ANAPC16: variants seen among roughly 807,000 people sequenced by gnomAD.
The protein encoded by ANAPC16 is anaphase-promoting complex subunit 16.
Under a neutral mutation model 13.1 loss-of-function variants are expected in ANAPC16, and 6 were observed. The observed-to-expected ratio is 0.46, with a 90% CI of 0.25 to 0.90. The LOEUF is 0.90. ANAPC16 is among the 40% of genes least tolerant of loss of function. ANAPC16 has a pLI of 0.18. For missense variants in ANAPC16, 113 were observed against 131.1 expected, an observed-to-expected ratio of 0.86 and a Z score of 0.67; for synonymous variants, 55 against 51.3, an observed-to-expected ratio of 1.07 and a Z score of -0.31.
At chr10:72,232,090 G>A (rs935116153) in intron 3 of ANAPC16, among the ~76,000 whole-genome samples, 15 of 149,960 alleles carry the variant, frequency 1.0e-4, no homozygotes, top group Admixed American at 9.3e-4. Context: ...GGAGGCTGAG[G>A]CAGCAGAATC....
intron 1 of ANAPC16, chr10:72,220,022 C>T (rs1418352191): frequency 6.6e-6 from 1 of 152,122 alleles, no homozygotes; most frequent in Non-Finnish European, 1.5e-5. Flanking sequence ...TTCATTTCCT[C>T]ACTTTTTTCT....
intron 2 of ANAPC16, among the ~76,000 whole-genome samples, chr10:72,228,026 GT>G (rs11340422): frequency 0.084 from 12,510 of 149,804 alleles, 1,396 homozygotes; most frequent in African/African-American, 0.25. Context: ...GCGAGACTTG[GT>G]TTAAAAAAAA....
chr10:72,225,053 G>A (rs1484399619), intron 2 of ANAPC16, among the ~76,000 whole-genome samples: 11 of 152,122 alleles, frequency 7.2e-5, no homozygotes, highest in Non-Finnish European at 4.4e-5. Flanking sequence ...GGAGGCCAAG[G>A]CGGGTGGATC....
intron 1 of ANAPC16, among the ~76,000 whole-genome samples, chr10:72,221,399 T>G (rs1859926003): frequency 6.6e-6 from 1 of 152,076 alleles, no homozygotes; most frequent in African/African-American, 2.4e-5. Flanking sequence ...TAAATAAAAT[T>G]TAAAATACAG....
chr10:72,216,761 CTG>C (rs929035529), intron 1 of ANAPC16: 9 of 454,538 alleles, frequency 2.0e-5, no homozygotes, highest in South Asian at 7.8e-5. Context: ...ACACAGCAAT[CTG>C]TGTCCACAAA....
chr10:72,229,804 T>C (rs1209141937), intron 2 of ANAPC16, among the ~76,000 whole-genome samples: 1 of 152,170 alleles, frequency 6.6e-6, no homozygotes, highest in Non-Finnish European at 1.5e-5. Flanking sequence ...GTCATCCAAA[T>C]TGCAGTGTTT....
At chr10:72,219,924 CA>C (rs1254923995) in intron 1 of ANAPC16, 1 of 152,158 alleles carries the variant, frequency 6.6e-6, no homozygotes, top group Admixed American at 6.5e-5. Context: ...CAAAATTAAG[CA>C]AACAGAACAG....
rs567091431 is a variant in ANAPC16 at position 72,216,044 on chromosome 10, G to A, written c.-122G>A. On this transcript the variant is annotated 5_prime_UTR_variant, in exon 1 of 4. Transcript: ENST00000299381. The stretch of plus-strand genomic sequence containing the variant: ...CTTCGCCGCTGGCTCCGTCTGTTGG[G>A]GGGCGAACACGCCGCGGTCCTCGTC... The A allele has an allele frequency of 3.9e-5, 6 of 152,494 alleles. No individual in the cohort carries two copies. In the East Asian group the frequency reaches 9.7e-4, roughly 25 times the overall value. 9.4% of individuals were successfully genotyped at this position (152,494 alleles called of 1,614,324 possible). A position where few individuals can be genotyped will look rare whatever the true frequency, so the allele number is the denominator to read the frequency against.
intron 1 of ANAPC16, chr10:72,220,668 A>G (rs1859888687): frequency 6.9e-6 from 1 of 145,924 alleles, no homozygotes; most frequent in Non-Finnish European, 1.5e-5. Context: ...AAAAACAAAT[A>G]TGTTTCAACT....
intron 3 of ANAPC16, among the ~76,000 whole-genome samples, chr10:72,232,214 T>C (rs1427098526): frequency 7.9e-6 from 1 of 126,540 alleles, no homozygotes; most frequent in African/African-American, 3.3e-5. Flanking sequence ...AAAAAAAAAA[T>C]TAAGCTTCTG....
At chr10:72,232,561 C>G (rs1474197307) in intron 3 of ANAPC16, among the ~76,000 whole-genome samples, 1 of 150,436 alleles carries the variant, frequency 6.6e-6, no homozygotes, top group Non-Finnish European at 1.5e-5. Flanking sequence ...CACCCCACCC[C>G]CCAAAAAAAG....
intron 2 of ANAPC16, among the ~76,000 whole-genome samples, chr10:72,227,806 G>C (rs186042859): frequency 6.6e-6 from 1 of 151,434 alleles, no homozygotes; most frequent in East Asian, 1.9e-4. Flanking sequence ...CGAGGTGGGC[G>C]GATCACCTGA....
chr10:72,225,940 T>G (rs868858862), intron 2 of ANAPC16, among the ~76,000 whole-genome samples: 1 of 151,662 alleles, frequency 6.6e-6, no homozygotes, highest in African/African-American at 2.4e-5. Flanking sequence ...GAATAACCTA[T>G]TAAGGATTCA....
At chr10:72,218,224 G>A (rs1193748525) in intron 1 of ANAPC16, among the ~76,000 whole-genome samples, 4 of 105,626 alleles carry the variant, frequency 3.8e-5, no homozygotes, top group Non-Finnish European at 5.4e-5. Context: ...ATATATGCCG[G>A]AGGTTGCAAT....
At chr10:72,216,852 A>C (rs946722588) in intron 1 of ANAPC16, 9 of 456,022 alleles carry the variant, frequency 2.0e-5, no homozygotes, top group Non-Finnish European at 4.0e-5. Flanking sequence ...ATACTTCATC[A>C]TCAGTATTTG....
chr10:72,216,248 GGA>G (rs1859284810), intron 1 of ANAPC16, 110 bp downstream of exon 1: 1 of 157,806 alleles, frequency 6.3e-6, no homozygotes, highest in Non-Finnish European at 1.4e-5. Flanking sequence ...AGGAGAAACA[GGA>G]GACTGCTGCA....
chr10:72,217,010 CT>C lies in ANAPC16; in HGVS notation c.-28+875del, dbSNP rs778427857. On this transcript the variant is annotated intron_variant, in intron 1 of 3. Transcript: ENST00000299381. Reference sequence around the variant, plus strand: ...AGCGCTTCTCTATCTCCTGCATGACCTTTGCTGAGCTGCTCGCCCTGCGTTC... The same window carrying C: ...AGCGCTTCTCTATCTCCTGCATGACCTTGCTGAGCTGCTCGCCCTGCGTTC... 88 of 454,882 alleles carry C rather than the reference CT, an allele frequency of 1.9e-4. 3 individuals are homozygous for C. The highest frequency in any genetic ancestry group is 1.4e-3 in the South Asian group (88 of 64,508). The allele number at this position is 454,882 out of a possible 1,614,324, so 28.2% of individuals were successfully genotyped here.
Position 72,233,357 on chromosome 10 carries a change from A to G in ANAPC16, c.*241A>G. ...GAATCAGATTAAGACAATCAGTTTC[A>G]GAGAACCAGGAGGTTTGGGGTTAAG... is the stretch of plus-strand genomic sequence containing the variant. On this transcript the variant is annotated 3_prime_UTR_variant, in exon 4 of 4. Transcript: ENST00000299381. 1 of 419,714 alleles carries G rather than the reference A, an allele frequency of 2.4e-6. No individual in the cohort carries two copies. The highest frequency in any genetic ancestry group is 4.4e-6 in the Non-Finnish European group (1 of 229,664). 26.0% of individuals were successfully genotyped at this position (419,714 alleles called of 1,614,324 possible). A position where few individuals can be genotyped will look rare whatever the true frequency, so the allele number is the denominator to read the frequency against.
intron 1 of ANAPC16, among the ~76,000 whole-genome samples, chr10:72,222,377 C>T (rs1237166897): frequency 6.8e-6 from 1 of 146,878 alleles, no homozygotes; most frequent in Non-Finnish European, 1.5e-5. Context: ...GAGATCGCGC[C>T]ACTGCACTCC....
Sources: gnomAD v4.1 joint callset for allele counts (sites outside exome capture counted in the v4.1 genomes callset) on GRCh38, gnomAD v4.1.1 for gene constraint, MANE v1.5 for transcripts, NCBI Gene and HGNC (gene_info 2026-07-23, HGNC 2026-07-21) for gene names.